Variants in PATJ observed in about 807,000 individuals in gnomAD.
The protein encoded by PATJ is inaD-like protein.
In PATJ, 190 loss-of-function variants were observed where a neutral mutation model predicts 224.9. The observed-to-expected ratio is 0.84, with a 90% CI of 0.75 to 0.95. The LOEUF is 0.95. Among genes scored for constraint, PATJ ranks in the 40% least tolerant of loss-of-function variants. The probability of loss-of-function intolerance (pLI) is 0.00; values close to 1 mark genes in which losing one functional copy is unlikely to be tolerated. For missense variants in PATJ, 2,121 were observed against 2,270.3 expected, an observed-to-expected ratio of 0.93 and a Z score of 1.34; for synonymous variants, 769 against 820.3, an observed-to-expected ratio of 0.94 and a Z score of 1.07.
At chr1:61,922,082 AC>A (rs1464380473) in intron 26 of PATJ, among the ~76,000 whole-genome samples, 1 of 151,988 alleles carries the variant, frequency 6.6e-6, no homozygotes, top group Non-Finnish European at 1.5e-5. Flanking sequence ...TCCCTCTGTC[AC>A]CCAGGTTGGA....
At chr1:62,143,890 C>G (rs1667752335) in intron 41 of PATJ, among the ~76,000 whole-genome samples, 1 of 152,084 alleles carries the variant, frequency 6.6e-6, no homozygotes, top group Non-Finnish European at 1.5e-5. Flanking sequence ...GATGGAGAAA[C>G]AGGCCCCTGC....
At chr1:61,767,181 TAAAC>T (rs1023552796) in intron 4 of PATJ, among the ~76,000 whole-genome samples, 9 of 152,146 alleles carry the variant, frequency 5.9e-5, no homozygotes, top group African/African-American at 1.7e-4. Context: ...AATTAAATAA[TAAAC>T]AATTAAAATT....
chr1:62,161,108 A>G lies in PATJ; in HGVS notation c.*54A>G. On this transcript the variant is annotated 3_prime_UTR_variant, in exon 44 of 44. Transcript: ENST00000642238. ...TGTTGTTTAGAATATCCACAGGCAG[A>G]TGAAGTTCTGAGTGGGTATGAAAAG... The G allele has an allele frequency of 1.5e-6, 2 of 1,348,242 alleles. No homozygotes were observed. The highest frequency in any genetic ancestry group is 1.9e-6 in the Non-Finnish European group (2 of 1,046,168). 83.5% of individuals were successfully genotyped at this position (1,348,242 alleles called of 1,614,324 possible).
At chr1:61,986,894 C>G (rs1174775224) in intron 27 of PATJ, among the ~76,000 whole-genome samples, 1 of 151,828 alleles carries the variant, frequency 6.6e-6, no homozygotes, top group Non-Finnish European at 1.5e-5. Context: ...TATTTTCTGT[C>G]TTCTTATTTC....
At chr1:61,879,612 T>A (rs201753668) in intron 21 of PATJ, among the ~76,000 whole-genome samples, 1 of 464 alleles carries the variant, frequency 2.2e-3, no homozygotes, top group Non-Finnish European at 8.5e-3. Context: ...GAATTTTTCC[T>A]TTTTTTTTTT....
intron 31 of PATJ, among the ~76,000 whole-genome samples, chr1:62,066,388 T>A (rs1227983136): frequency 8.2e-6 from 1 of 121,312 alleles, no homozygotes; most frequent in Non-Finnish European, 1.6e-5. Flanking sequence ...CTGTGGGAAC[T>A]TTTTTTTTTT....
chr1:62,154,342 T>A (rs956941353), intron 43 of PATJ, among the ~76,000 whole-genome samples: 28 of 152,246 alleles, frequency 1.8e-4, no homozygotes, highest in African/African-American at 6.3e-4. Context: ...TATGAACAGA[T>A]CTTGTTGAAC....
chr1:62,000,719 G>A (rs1403592289), intron 28 of PATJ, among the ~76,000 whole-genome samples: 1 of 150,802 alleles, frequency 6.6e-6, no homozygotes, highest in Non-Finnish European at 1.5e-5. Context: ...ACCCAGTAAT[G>A]GGATGGCTGG....
At chr1:62,128,297 G>A (rs1024818267) in intron 40 of PATJ, 1 of 522,618 alleles carries the variant, frequency 1.9e-6, no homozygotes, top group South Asian at 3.0e-5. Context: ...TTGTATCAAA[G>A]CTTCTCCATA....
In PATJ at chr1:61,775,485, T is replaced by C. The variant is rs921058806; in HGVS notation, c.849+151T>C. On this transcript the variant is annotated intron_variant, in intron 7 of 43. Coordinates refer to ENST00000642238, the MANE Select transcript of PATJ (RefSeq NM_001350145.3). Reference sequence around the variant, plus strand: ...AAAATGATTTATTCTGTAAGTATTATTAGGCTACACTCAGTCTTATTTTAA... The same window carrying C: ...AAAATGATTTATTCTGTAAGTATTACTAGGCTACACTCAGTCTTATTTTAA... 11 of 679,268 alleles carry C rather than the reference T, an allele frequency of 1.6e-5. No homozygotes were observed. The Admixed American group carries it at 1.9e-4, about 12-fold the overall frequency. 42.1% of individuals were successfully genotyped at this position (679,268 alleles called of 1,614,324 possible).
At chr1:61,787,237 C>T (rs1648750701) in intron 7 of PATJ, among the ~76,000 whole-genome samples, 1 of 152,192 alleles carries the variant, frequency 6.6e-6, no homozygotes, top group Non-Finnish European at 1.5e-5. Flanking sequence ...CTTCTCTTCC[C>T]AATCATGAAA....
intron 29 of PATJ, among the ~76,000 whole-genome samples, chr1:62,020,656 A>AT (rs1195434718): frequency 2.0e-5 from 3 of 152,242 alleles, no homozygotes; most frequent in African/African-American, 7.2e-5. Context: ...GACTAAATTA[A>AT]TGGTATACAC....
At chr1:61,999,642 T>C (rs1053307986) in intron 28 of PATJ, among the ~76,000 whole-genome samples, 1 of 152,040 alleles carries the variant, frequency 6.6e-6, no homozygotes, top group Non-Finnish European at 1.5e-5. Context: ...CACTCCAGCC[T>C]GGGTGACAGA....
intron 1 of PATJ, among the ~76,000 whole-genome samples, chr1:61,746,256 T>G (rs1210137566): frequency 1.3e-5 from 2 of 152,318 alleles, no homozygotes; most frequent in African/African-American, 4.8e-5. Flanking sequence ...TTAAAAAATT[T>G]TTAGTAGAGA....
Position 61,908,474 on chromosome 1 carries a change from A to G in PATJ, c.3484A>G (p.Thr1162Ala), listed in dbSNP as rs2149201324. 1.2e-6 allele frequency: 2 copies of G among 1,606,806 alleles called. No homozygotes were observed. Among genetic ancestry groups the G allele is most frequent in the South Asian group, 2.2e-5 (2 of 90,852 alleles). Residue 1162 changes from threonine to alanine, a missense_variant, in exon 25 of 44, where the codon ACT becomes GCT. Transcript: ENST00000642238. ...GTTCATTGTTCAGAGTTTGTCATCCACTCCACGAGTAAGTTTTAGTTCATA... is the reference window on the plus strand; with the variant it reads ...GTTCATTGTTCAGAGTTTGTCATCCGCTCCACGAGTAAGTTTTAGTTCATA... ...VVFIVQSLSSTPRVIPNVHNK... is the reference protein window; with the variant it reads ...VVFIVQSLSSAPRVIPNVHNK...
chr1:61,918,510 C>T (rs1449401528), intron 26 of PATJ, among the ~76,000 whole-genome samples: 2 of 151,832 alleles, frequency 1.3e-5, no homozygotes, highest in Admixed American at 6.6e-5. Context: ...TGGGTCTTAC[C>T]GTGTTGCCCA....
chr1:61,806,567 G>A (rs539940749), intron 13 of PATJ, among the ~76,000 whole-genome samples: 24 of 151,354 alleles, frequency 1.6e-4, no homozygotes, highest in African/African-American at 5.3e-4. Context: ...TGCAGTGAGC[G>A]GAGATCATGC....
intron 34 of PATJ, 52 bp downstream of exon 34, chr1:62,108,572 G>A (rs1438285575): frequency 9.2e-7 from 1 of 1,090,372 alleles, no homozygotes; most frequent in East Asian, 2.4e-5. Flanking sequence ...TCCTTTGCTG[G>A]TCTCGATCCA....
At chr1:61,836,293 C>G (rs950482110) in intron 17 of PATJ, among the ~76,000 whole-genome samples, 2 of 151,964 alleles carry the variant, frequency 1.3e-5, no homozygotes, top group African/African-American at 4.8e-5. Context: ...TCCTTTTCCT[C>G]TTATTTACCT....
Sources: gnomAD v4.1 joint callset for allele counts (sites outside exome capture counted in the v4.1 genomes callset) on GRCh38, gnomAD v4.1.1 for gene constraint, MANE v1.5 for transcripts, NCBI Gene and HGNC (gene_info 2026-07-23, HGNC 2026-07-21) for gene names.